SPDYE10: variants seen among roughly 807,000 people sequenced by gnomAD.
SPDYE10 encodes the protein speedy/RINGO cell cycle regulator family member E10, also known as speedy protein E10.
the SPDYE10 span, among the ~76,000 whole-genome samples, chr7:73,134,659 C>G: frequency 6.6e-6 from 1 of 152,218 alleles, no homozygotes; most frequent in Non-Finnish European, 1.5e-5. Context: ...GTCAGGAGTT[C>G]AAGACCAGCC....
At chr7:73,147,799 TTTTG>T in the SPDYE10 span, among the ~76,000 whole-genome samples, 14 of 142,806 alleles carry the variant, frequency 9.8e-5, no homozygotes, top group African/African-American at 2.9e-4. Flanking sequence ...CTGGCCTGTT[TTTTG>T]TTTGTTTGTT....
At chr7:73,137,620 AAGAAAG>A in the SPDYE10 span, among the ~76,000 whole-genome samples, 2 of 144,224 alleles carry the variant, frequency 1.4e-5, no homozygotes, top group East Asian at 3.9e-4. Flanking sequence ...GAAAGAAAGA[AAGAAAG>A]AAAGAAAGAA....
the SPDYE10 span, among the ~76,000 whole-genome samples, chr7:73,137,840 G>A: frequency 4.1e-5 from 3 of 72,560 alleles, no homozygotes; most frequent in African/African-American, 1.9e-4. Context: ...GAAGGGGAGG[G>A]GAAGGAGAGG....
the SPDYE10 span, among the ~76,000 whole-genome samples, chr7:73,149,307 G>T: frequency 1.1e-5 from 1 of 93,216 alleles, no homozygotes; most frequent in Admixed American, 1.1e-4. Flanking sequence ...GGGGGGCGGG[G>T]GACAGAGTCT....
the SPDYE10 span, among the ~76,000 whole-genome samples, chr7:73,143,998 AT>A: frequency 6.6e-6 from 1 of 151,174 alleles, no homozygotes; most frequent in Non-Finnish European, 1.5e-5. Flanking sequence ...CACCCAGCTA[AT>A]TTTTGTATTT....
At chr7:73,147,838 G>C in the SPDYE10 span, among the ~76,000 whole-genome samples, 2 of 148,602 alleles carry the variant, frequency 1.3e-5, no homozygotes, top group Admixed American at 1.3e-4. Flanking sequence ...TTGAGACAGA[G>C]TCTAGTTGCC....
the SPDYE10 span, among the ~76,000 whole-genome samples, chr7:73,114,203 A>G: frequency 7.3e-6 from 1 of 136,846 alleles, no homozygotes; most frequent in East Asian, 2.2e-4. Flanking sequence ...AAGAAAGAAA[A>G]AGAAAAAAAA....
At chr7:73,114,208 A>G in the SPDYE10 span, among the ~76,000 whole-genome samples, 2 of 138,028 alleles carry the variant, frequency 1.4e-5, no homozygotes, top group East Asian at 2.2e-4. Context: ...AGAAAAAGAA[A>G]AAAAAAGAAT....
the SPDYE10 span, among the ~76,000 whole-genome samples, chr7:73,121,043 G>C: frequency 6.6e-6 from 1 of 151,940 alleles, no homozygotes; most frequent in South Asian, 2.1e-4. Flanking sequence ...TCGAACTCCT[G>C]ACCTCAGGTG....
chr7:73,120,705 G>A, the SPDYE10 span, among the ~76,000 whole-genome samples: 8 of 139,584 alleles, frequency 5.7e-5, no homozygotes, highest in African/African-American at 1.4e-4. Flanking sequence ...GGAGAATGGC[G>A]TGAACCCAGG....
chr7:73,151,705 G>A, the SPDYE10 span, among the ~76,000 whole-genome samples: 1 of 67,640 alleles, frequency 1.5e-5, no homozygotes, highest in Non-Finnish European at 2.8e-5. Flanking sequence ...TTGTAGAGAT[G>A]AGCAGTCTTG....
chr7:73,123,011 G>A, the SPDYE10 span, among the ~76,000 whole-genome samples: 1 of 152,152 alleles, frequency 6.6e-6, no homozygotes, highest in African/African-American at 2.4e-5. Flanking sequence ...CATGTGCACA[G>A]CACTGAGGGC....
the SPDYE10 span, among the ~76,000 whole-genome samples, chr7:73,142,980 GAGGAAGGAAGGAAGGAAGGAAGGAAGGA>G: frequency 2.1e-5 from 2 of 93,656 alleles, no homozygotes; most frequent in Admixed American, 1.1e-4. Flanking sequence ...GGGAGGGAGG[GAGGAAGGAAGGAAGGAAGGAAGGAAGGA>G]AGGAAGGAAG....
chr7:73,149,702 G>A, the SPDYE10 span, among the ~76,000 whole-genome samples: 95 of 146,868 alleles, frequency 6.5e-4, no homozygotes, highest in African/African-American at 2.3e-3. Flanking sequence ...AGTCCAAGAT[G>A]GTCTCGTTCA....
At chr7:73,149,304 G>T in the SPDYE10 span, among the ~76,000 whole-genome samples, 4 of 106,370 alleles carry the variant, frequency 3.8e-5, no homozygotes, top group Non-Finnish European at 8.4e-5. Context: ...TTGGGGGGGC[G>T]GGGGACAGAG....
At chr7:73,151,149 GT>G in the SPDYE10 span, among the ~76,000 whole-genome samples, 1 of 796 alleles carries the variant, frequency 1.3e-3, no homozygotes, top group African/African-American at 4.8e-3. Context: ...AATTTTTTTT[GT>G]GTTTTTTTTT....
chr7:73,154,968 G>GCGC, the SPDYE10 span: 1 of 150,180 alleles, frequency 6.7e-6, no homozygotes, highest in Non-Finnish European at 1.5e-5. Context: ...CCCGCGCCGG[G>GCGC]CGCCGCGCGC....
the SPDYE10 span, among the ~76,000 whole-genome samples, chr7:73,128,075 A>G: frequency 6.6e-6 from 1 of 151,858 alleles, no homozygotes; most frequent in African/African-American, 2.4e-5. Flanking sequence ...ATGTTCACCA[A>G]CAGGAGACTG....
At chr7:73,116,886 C>T in the SPDYE10 span, among the ~76,000 whole-genome samples, 1 of 150,568 alleles carries the variant, frequency 6.6e-6, no homozygotes, top group African/African-American at 2.5e-5. Context: ...CAGCCTCAGC[C>T]TAACAGATTT....
Sources: gnomAD v4.1 joint callset for allele counts (sites outside exome capture counted in the v4.1 genomes callset) on GRCh38, gnomAD v4.1.1 for gene constraint, MANE v1.5 for transcripts, NCBI Gene and HGNC (gene_info 2026-07-23, HGNC 2026-07-21) for gene names.